Variants in JAKMIP3 observed in about 807,000 individuals in gnomAD.
JAKMIP3 encodes Janus kinase and microtubule interacting protein 3.
A neutral mutation model predicts 118.5 loss-of-function variants in JAKMIP3; 58 were observed. The observed-to-expected ratio is 0.49, with a 90% CI of 0.40 to 0.61. The LOEUF (loss-of-function observed/expected upper bound fraction) is 0.61, where lower values mean the gene tolerates loss of function less well. JAKMIP3 is among the 20% of genes least tolerant of loss of function. The pLI is 0.00. For synonymous variants in JAKMIP3, 486 were observed against 451.2 expected, an observed-to-expected ratio of 1.08 and a Z score of -0.98; for missense variants, 950 against 1,109.0, an observed-to-expected ratio of 0.86 and a Z score of 2.04.
chr10:132,087,476 T>G (rs1291469985), intron 1 of JAKMIP3, among the ~76,000 whole-genome samples: 1 of 152,142 alleles, frequency 6.6e-6, no homozygotes, highest in Admixed American at 6.5e-5. Flanking sequence ...TAGATTTCTC[T>G]TCTTCAAAAA....
chr10:132,086,834 T>C (rs2134318475), intron 1 of JAKMIP3, among the ~76,000 whole-genome samples: 1 of 152,324 alleles, frequency 6.6e-6, no homozygotes, highest in South Asian at 2.1e-4. Context: ...ATCTTTTAAG[T>C]GGAGGCTTTA....
intron 3 of JAKMIP3, among the ~76,000 whole-genome samples, chr10:132,124,451 G>A (rs975775149): frequency 2.7e-5 from 4 of 148,910 alleles, no homozygotes; most frequent in East Asian, 2.0e-4. Flanking sequence ...CATCACCGCC[G>A]AGCCGGTGGG....
At chr10:132,100,617 C>T (rs2044710559) in intron 1 of JAKMIP3, among the ~76,000 whole-genome samples, 1 of 152,128 alleles carries the variant, frequency 6.6e-6, no homozygotes, top group African/African-American at 2.4e-5. Flanking sequence ...CACGCCCCCC[C>T]AGCAGCTATG....
Position 132,117,182 on chromosome 10 carries a change from G to A in JAKMIP3, c.241G>A (p.Glu81Lys), listed in dbSNP as rs574033707. 110 of 1,613,928 alleles carry A rather than the reference G, an allele frequency of 6.8e-5. No individual in the cohort carries two copies. Among genetic ancestry groups the A allele is most frequent in the Admixed American group, 1.7e-4 (10 of 60,036 alleles). The change falls in exon 3 of 24, where the codon GAG becomes AAG. Residue 81 changes from glutamate to lysine, a missense_variant. Transcript: ENST00000684848. The surrounding 1 kb of genome is among the most constrained non-coding windows in gnomAD (Gnocchi z 8.6). ...CACGGAGCTCAAGACAAAGCTGCAC[G>A]AGGAGAAGATGAAGGAGCTACAGGC... is the stretch of plus-strand genomic sequence containing the variant. ...LLTELKTKLH[E>K]EKMKELQAVR...
rs114144626 is a variant in JAKMIP3, at chr10:132,112,572, C to G, written c.136-4505C>G. Among the ~76,000 whole-genome samples the G allele has an allele frequency of 1.2e-3, 190 of 152,322 alleles. No homozygotes were observed. The highest frequency in any genetic ancestry group is 4.4e-3 in the African/African-American group (181 of 41,578). The stretch of plus-strand genomic sequence containing the variant: ...TTTGTCTACAAAGTCCCGCTTGGCT[C>G]TGTGTTCACAGAGATTTATGTGAAT... On this transcript the variant is annotated intron_variant, in intron 2 of 23. Coordinates refer to ENST00000684848, the MANE Select transcript of JAKMIP3 (RefSeq NM_001323087.2). This position sits in a 1 kb window ranked among gnomAD's most constrained non-coding sequence, Gnocchi z 4.3.
In JAKMIP3 at chr10:132,112,591, T is replaced by C. The variant is rs919034328; in HGVS notation, c.136-4486T>C. On this transcript the variant is annotated intron_variant, in intron 2 of 23. Transcript: ENST00000684848. The surrounding 1 kb of genome is among the most constrained non-coding windows in gnomAD (Gnocchi z 4.3). ...TTGGCTCTGTGTTCACAGAGATTTA[T>C]GTGAATGTCTTGCATTTTAAAGAAG... is the stretch of plus-strand genomic sequence containing the variant. Among the ~76,000 whole-genome samples, 1 of 152,236 alleles carries C rather than the reference T, an allele frequency of 6.6e-6. No homozygotes were observed. The highest frequency in any genetic ancestry group is 1.5e-5 in the Non-Finnish European group (1 of 68,034).
chr10:132,116,109 C>T (rs977201474), intron 2 of JAKMIP3, among the ~76,000 whole-genome samples: 1 of 152,228 alleles, frequency 6.6e-6, no homozygotes, highest in Non-Finnish European at 1.5e-5. Flanking sequence ...AGAAGAAGTG[C>T]CTTTTCTCCG....
intron 15 of JAKMIP3, 29 bp from the exon 16 acceptor site, chr10:132,149,953 C>T: frequency 2.1e-6 from 3 of 1,417,198 alleles, no homozygotes; most frequent in Non-Finnish European, 2.8e-6. Flanking sequence ...CCCGTGGCCA[C>T]TCACCCCTAC....
chr10:132,177,827 G>A (rs1590050168), intron 23 of JAKMIP3, among the ~76,000 whole-genome samples: 3 of 138,178 alleles, frequency 2.2e-5, no homozygotes, highest in Admixed American at 7.3e-5. Context: ...TTGTGCGTGC[G>A]CACCTGCTCC....
rs184630426 is a variant in JAKMIP3, at chr10:132,051,414, G to A, written c.-138+14676G>A. On this transcript the variant is annotated intron_variant, in intron 1 of 23. Coordinates refer to the JAKMIP3 transcript ENST00000657785. ...ATGGTTGGTCTTGTTAATTCCAGCCGTTCTGGTTATGTGGGGGGGTACCTG... is the reference window on the plus strand; with the variant it reads ...ATGGTTGGTCTTGTTAATTCCAGCCATTCTGGTTATGTGGGGGGGTACCTG... Among the ~76,000 whole-genome samples the A allele has an allele frequency of 2.3e-3, 351 of 150,896 alleles. 6 individuals are homozygous for A. Among genetic ancestry groups the A allele is most frequent in the Non-Finnish European group, 4.3e-4 (29 of 67,816 alleles).
At chr10:132,173,057 T>C (rs201943182) in intron 23 of JAKMIP3, among the ~76,000 whole-genome samples, 3 of 2,004 alleles carry the variant, frequency 1.5e-3, no homozygotes, top group Non-Finnish European at 2.5e-3. Context: ...CTCTCTCTCC[T>C]TCCCTCTCTC....
intron 1 of JAKMIP3, among the ~76,000 whole-genome samples, chr10:132,046,768 A>G (rs2037930688): frequency 6.6e-6 from 1 of 152,248 alleles, no homozygotes; most frequent in Non-Finnish European, 1.5e-5. Flanking sequence ...CCTAAGAGGA[A>G]GAAGCTGAGG....
chr10:132,161,109 TCTATTCCTGTGTCTTATTGAGG>T (rs2058194371), intron 19 of JAKMIP3, among the ~76,000 whole-genome samples: 1 of 46,182 alleles, frequency 2.2e-5, no homozygotes, highest in Non-Finnish European at 3.9e-5. Context: ...CTGGGGGGGG[TCTATTCCTGTGTCTTATTGAGG>T]GGGCCTCTCC....
intron 1 of JAKMIP3, among the ~76,000 whole-genome samples, chr10:132,087,209 G>A (rs1372252371): frequency 8.5e-5 from 13 of 152,120 alleles, no homozygotes; most frequent in South Asian, 6.2e-4. Context: ...TAGCTTGTAC[G>A]GTTTCTGCTG....
chr10:132,138,043 AC>A, intron 8 of JAKMIP3, 75 bp from the exon 9 acceptor site: 1 of 1,350,588 alleles, frequency 7.4e-7, no homozygotes, highest in Non-Finnish European at 1.0e-6. Context: ...ATGATGGCAC[AC>A]GGGCAGTAAA....
chr10:132,148,441 T>TCCGTCCTCCATCTGC (rs891862123), intron 14 of JAKMIP3, among the ~76,000 whole-genome samples: 2 of 150,538 alleles, frequency 1.3e-5, no homozygotes, highest in Admixed American at 6.6e-5. Context: ...AGCTGGCACG[T>TCCGTCCTCCATCTGC]CCGTCCTCCA....
chr10:132,104,267 C>T (rs997774272), intron 1 of JAKMIP3, among the ~76,000 whole-genome samples: 7 of 152,146 alleles, frequency 4.6e-5, no homozygotes, highest in African/African-American at 2.4e-5. Flanking sequence ...TGGAGGAGCC[C>T]GGTCACGGGG....
At chr10:132,065,019 C>A (rs970745372), upstream of JAKMIP3, among the ~76,000 whole-genome samples, 1 of 152,120 alleles carries the variant, frequency 6.6e-6, no homozygotes, top group Non-Finnish European at 1.5e-5. This position sits in a 1 kb window ranked among gnomAD's most constrained non-coding sequence, Gnocchi z 5.6. Context: ...CCAGGCTGAC[C>A]CCCAGAACCT....
chr10:132,147,943 A>T lies in JAKMIP3; in HGVS notation c.1750-9A>T, dbSNP rs1031245823. 4.4e-6 allele frequency: 7 copies of T among 1,589,768 alleles called. No homozygotes were observed. In the South Asian group the frequency reaches 7.9e-5, roughly 18 times the overall value. On this transcript the variant is annotated splice_polypyrimidine_tract_variant and intron_variant, in intron 13 of 23. Coordinates refer to ENST00000684848, the MANE Select transcript of JAKMIP3 (RefSeq NM_001323087.2). ...AGACCCCTCACCTCATGCATCTTTT[A>T]TGTTGCAGATCAAACAAATGGAGAC...
Sources: gnomAD v4.1 joint callset for allele counts (sites outside exome capture counted in the v4.1 genomes callset) on GRCh38, gnomAD v4.1.1 for gene constraint, Gnocchi (gnomAD v3.1) non-coding constraint, MANE v1.5 for transcripts, NCBI Gene and HGNC (gene_info 2026-07-23, HGNC 2026-07-21) for gene names.